PTPRG: variants seen among roughly 807,000 people sequenced by gnomAD.
The protein encoded by PTPRG is receptor-type tyrosine-protein phosphatase gamma.
A neutral mutation model predicts 165.3 loss-of-function variants in PTPRG; 102 were observed. That is an observed-to-expected ratio of 0.62 (90% CI 0.53 to 0.73). The LOEUF (loss-of-function observed/expected upper bound fraction) is 0.73. PTPRG is among the 30% of genes least tolerant of loss of function. The pLI is 0.00. For missense variants in PTPRG, 1,866 were observed against 1,861.4 expected, an observed-to-expected ratio of 1.00 and a Z score of -0.05; for synonymous variants, 675 against 669.5, an observed-to-expected ratio of 1.01 and a Z score of -0.13.
chr3:62,283,939 A>ACACTAAG (rs377667360), intron 28 of PTPRG, among the ~76,000 whole-genome samples: 2,238 of 152,278 alleles, frequency 0.015, 54 homozygotes, highest in African/African-American at 0.051. Context: ...ATTAAATAGC[A>ACACTAAG]TAAGATCAAT....
intron 1 of PTPRG, among the ~76,000 whole-genome samples, chr3:61,721,898 C>G (rs1025820108): frequency 2.6e-5 from 4 of 152,308 alleles, no homozygotes; most frequent in African/African-American, 9.6e-5. Flanking sequence ...TTGTTTCTGA[C>G]TTTCTGCTCT....
intron 2 of PTPRG, among the ~76,000 whole-genome samples, chr3:61,847,920 T>C (rs1340647412): frequency 6.6e-6 from 1 of 152,252 alleles, no homozygotes; most frequent in African/African-American, 2.4e-5. Context: ...GCATTCTATA[T>C]AGAGAGCTTC....
intron 16 of PTPRG, among the ~76,000 whole-genome samples, chr3:62,257,136 A>G (rs1157638271): frequency 6.6e-6 from 1 of 152,204 alleles, no homozygotes; most frequent in Non-Finnish European, 1.5e-5. Context: ...AAGAACAGCA[A>G]AGCAGCAACG....
intron 6 of PTPRG, among the ~76,000 whole-genome samples, chr3:62,149,097 C>T (rs1448382636): frequency 6.6e-6 from 1 of 152,158 alleles, no homozygotes; most frequent in African/African-American, 2.4e-5. Context: ...GATGGCCCTA[C>T]TTTGCAAACA....
chr3:61,972,703 G>A (rs1429509598), intron 2 of PTPRG, among the ~76,000 whole-genome samples: 1 of 150,824 alleles, frequency 6.6e-6, no homozygotes. Flanking sequence ...CCCAGGGTGG[G>A]GTACAGTCGC....
chr3:62,040,902 T>C (rs1408243772), intron 4 of PTPRG, among the ~76,000 whole-genome samples: 1 of 152,172 alleles, frequency 6.6e-6, no homozygotes, highest in African/African-American at 2.4e-5. Flanking sequence ...TTGCCATCTT[T>C]GGGTGACTGA....
intron 9 of PTPRG, among the ~76,000 whole-genome samples, chr3:62,192,490 G>T (rs1208945463): frequency 7.6e-6 from 1 of 131,750 alleles, no homozygotes; most frequent in Non-Finnish European, 1.5e-5. Context: ...CTCACTGCAA[G>T]CTCCACCTCC....
At chr3:61,683,920 G>A (rs921671585) in intron 1 of PTPRG, among the ~76,000 whole-genome samples, 2 of 152,170 alleles carry the variant, frequency 1.3e-5, no homozygotes, top group Admixed American at 1.3e-4. Context: ...TCGTCTTGGG[G>A]CTGTGATTAG....
chr3:62,071,240 A>G (rs564829084), intron 4 of PTPRG, among the ~76,000 whole-genome samples: 35 of 152,178 alleles, frequency 2.3e-4, no homozygotes, highest in South Asian at 1.7e-3. Context: ...TTCTTGGACC[A>G]TGTGTGGGGG....
chr3:61,975,431 C>G (rs1401797716), intron 2 of PTPRG, among the ~76,000 whole-genome samples: 2 of 152,170 alleles, frequency 1.3e-5, no homozygotes, highest in Non-Finnish European at 2.9e-5. Context: ...AAAACAGTTT[C>G]CTTGACCTCA....
intron 4 of PTPRG, among the ~76,000 whole-genome samples, chr3:62,058,103 C>G (rs186398028): frequency 3.0e-4 from 45 of 152,292 alleles, no homozygotes; most frequent in African/African-American, 1.1e-3. Context: ...TATGGATGTG[C>G]TTCCCCTAGC....
intron 1 of PTPRG, among the ~76,000 whole-genome samples, chr3:61,738,342 A>ATATATATGTGTATATATATATATG (rs1559583542): frequency 2.2e-5 from 3 of 135,218 alleles, no homozygotes; most frequent in African/African-American, 8.0e-5. Flanking sequence ...ATATATGTAT[A>ATATATATGTGTATATATATATATG]TATATATATA....
intron 3 of PTPRG, among the ~76,000 whole-genome samples, chr3:61,995,080 C>CTTTTTTTTTTTTTT (rs1233679653): frequency 9.3e-6 from 1 of 107,400 alleles, no homozygotes; most frequent in African/African-American, 4.1e-5. Flanking sequence ...TCTTTTCTTT[C>CTTTTTTTTTTTTTT]TTTCTTTTTT....
chr3:61,875,362 C>T (rs2037706274), intron 2 of PTPRG, among the ~76,000 whole-genome samples: 1 of 148,416 alleles, frequency 6.7e-6, no homozygotes, highest in Admixed American at 6.6e-5. Context: ...TTGATTCCAT[C>T]TGCAAGGCAA....
chr3:61,620,939 T>C (rs1380811381), intron 1 of PTPRG, among the ~76,000 whole-genome samples: 5 of 151,702 alleles, frequency 3.3e-5, no homozygotes, highest in African/African-American at 1.2e-4. Flanking sequence ...TTACAGTTAC[T>C]CTTTTAATAA....
At chr3:62,038,564 A>C (rs1463303895) in intron 4 of PTPRG, among the ~76,000 whole-genome samples, 2 of 152,058 alleles carry the variant, frequency 1.3e-5, no homozygotes, top group African/African-American at 4.8e-5. Context: ...CACTCAGCTA[A>C]TTTTTATATT....
At chr3:61,571,115 A>G (rs940930559) in intron 1 of PTPRG, among the ~76,000 whole-genome samples, 1 of 152,212 alleles carries the variant, frequency 6.6e-6, no homozygotes, top group Non-Finnish European at 1.5e-5. Flanking sequence ...ACGCTTACCA[A>G]GCACATGTGA....
At chr3:61,636,364 A>G (rs1374986101) in intron 1 of PTPRG, among the ~76,000 whole-genome samples, 1 of 152,304 alleles carries the variant, frequency 6.6e-6, no homozygotes, top group East Asian at 1.9e-4. Flanking sequence ...AGCATCTACT[A>G]ATTACTATCT....
At chr3:61,775,274 G>A (rs2034338942) in intron 2 of PTPRG, among the ~76,000 whole-genome samples, 2 of 152,028 alleles carry the variant, frequency 1.3e-5, no homozygotes, top group Admixed American at 1.3e-4. Flanking sequence ...TTTCACCATG[G>A]TGGCCAGGCT....
Sources: gnomAD v4.1 joint callset for allele counts (sites outside exome capture counted in the v4.1 genomes callset) on GRCh38, gnomAD v4.1.1 for gene constraint, MANE v1.5 for transcripts, NCBI Gene and HGNC (gene_info 2026-07-23, HGNC 2026-07-21) for gene names.